The following RBM27 variants were observed in gnomAD, a reference collection of about 807,000 sequenced individuals.
The protein encoded by RBM27 is RNA-binding protein 27.
In RBM27, 22 loss-of-function variants were observed where a neutral mutation model predicts 135.3. The observed-to-expected ratio is 0.16, with a 90% CI of 0.12 to 0.23. The LOEUF is 0.23. Among genes scored for constraint, RBM27 ranks in the 10% least tolerant of loss-of-function variants. RBM27 has a pLI of 1.00. For synonymous variants in RBM27, 481 were observed against 442.4 expected (o/e 1.09, Z -1.10); for missense variants, 1,009 against 1,281.0 (o/e 0.79, Z 3.24).
At chr5:146,204,539 G>T (rs1755542214) in intron 1 of RBM27, among the ~76,000 whole-genome samples, 1 of 152,136 alleles carries the variant, frequency 6.6e-6, no homozygotes, top group Non-Finnish European at 1.5e-5. Context: ...ATACATAGAG[G>T]TTGGAAAAAA....
intron 7 of RBM27, among the ~76,000 whole-genome samples, chr5:146,236,501 A>C (rs1296013384): frequency 6.6e-6 from 1 of 152,134 alleles, no homozygotes; most frequent in Non-Finnish European, 1.5e-5. Flanking sequence ...TAGAACAAGT[A>C]ATGTTCTTTT....
At chr5:146,210,912 A>C (rs1033434110) in intron 1 of RBM27, among the ~76,000 whole-genome samples, 1 of 150,960 alleles carries the variant, frequency 6.6e-6, no homozygotes, top group Non-Finnish European at 1.5e-5. Flanking sequence ...GCGCCACCGC[A>C]CTCCAGCCTG....
intron 14 of RBM27, among the ~76,000 whole-genome samples, chr5:146,265,045 C>G (rs1758556942): frequency 6.6e-6 from 1 of 152,090 alleles, no homozygotes; most frequent in South Asian, 2.1e-4. Context: ...AGTACAGTAT[C>G]TGCAAAAATT....
chr5:146,210,406 C>G (rs958683567), intron 1 of RBM27, among the ~76,000 whole-genome samples: 1 of 151,968 alleles, frequency 6.6e-6, no homozygotes, highest in Non-Finnish European at 1.5e-5. Context: ...TTATTTCTTC[C>G]ACATGATACT....
intron 15 of RBM27, 143 bp downstream of exon 15, chr5:146,267,911 G>T: frequency 1.1e-6 from 1 of 892,156 alleles, no homozygotes; most frequent in Non-Finnish European, 1.6e-6. Flanking sequence ...ATGTAAACTT[G>T]GAAAAAAAAG....
Position 146,230,721 on chromosome 5 carries a change from G to T in RBM27, c.654G>T (p.Val218=), listed in dbSNP as rs1328351179. 1 of 1,613,888 alleles carries T rather than the reference G, an allele frequency of 6.2e-7. No individual in the cohort carries two copies. Among genetic ancestry groups the T allele is most frequent in the East Asian group, 2.2e-5 (1 of 44,878 alleles). ...RNDLESSYVP[V]SAPPPNSSEQ... ...ACCTGGAGAGTTCCTATGTGCCTGTGTCTGCACCACCTCCAAACTCTTCTG... is the reference window on the plus strand; with the variant it reads ...ACCTGGAGAGTTCCTATGTGCCTGTTTCTGCACCACCTCCAAACTCTTCTG... The change falls in exon 6 of 21, where the codon GTG becomes GTT. Residue 218 remains valine (V), a synonymous_variant. Transcript: ENST00000265271.
chr5:146,283,504 T>G (rs1759452214), intron 19 of RBM27, among the ~76,000 whole-genome samples: 1 of 151,866 alleles, frequency 6.6e-6, no homozygotes, highest in South Asian at 2.1e-4. Context: ...CCACTGCACA[T>G]TCCAGCCTGG....
intron 19 of RBM27, among the ~76,000 whole-genome samples, chr5:146,274,366 C>T (rs184089378): frequency 3.3e-5 from 5 of 152,248 alleles, no homozygotes; most frequent in Non-Finnish European, 7.3e-5. Context: ...AAGCGATTCT[C>T]GTGCCTCAGC....
rs1177120101 is a variant in RBM27, at chr5:146,229,776, G to A, written c.455G>A (p.Arg152Gln). Reference sequence around the variant, plus strand: ...AGAGACTATGACCGGTACTATGAGCGGAATGAATTGTACCGTGAGAAGTAT... The same window carrying A: ...AGAGACTATGACCGGTACTATGAGCAGAATGAATTGTACCGTGAGAAGTAT... ...KWRDYDRYYE[R>Q]NELYREKYDW... The change falls in exon 5 of 21, where the codon CGG (arginine) becomes CAG (glutamine). Residue 152 changes from arginine (R) to glutamine (Q), a missense_variant. Around this residue, in one of 6 missense-constraint regions of RBM27, gnomAD observed 268 missense variants for 326.6 expected, o/e 0.82. Coordinates refer to ENST00000265271, the MANE Select transcript of RBM27 (RefSeq NM_018989.2). The A allele has an allele frequency of 3.7e-6, 6 of 1,612,688 alleles. No individual in the cohort carries two copies. The highest frequency in any genetic ancestry group is 2.7e-5 in the African/African-American group (2 of 74,840).
At chr5:146,235,390 T>A (rs1282908594) in intron 7 of RBM27, among the ~76,000 whole-genome samples, 1 of 151,902 alleles carries the variant, frequency 6.6e-6, no homozygotes, top group Non-Finnish European at 1.5e-5. Flanking sequence ...ACCCTGCCTT[T>A]ACAAAAAATA....
intron 2 of RBM27, 23 bp downstream of exon 2, chr5:146,219,126 C>T (rs776548411): frequency 8.9e-6 from 13 of 1,466,942 alleles, no homozygotes; most frequent in East Asian, 6.8e-5. Flanking sequence ...GGCCTTCAAT[C>T]GAGTATTGAA....
At chr5:146,258,411 C>A in intron 10 of RBM27, 38 bp from the exon 11 acceptor site, 1 of 1,496,338 alleles carries the variant, frequency 6.7e-7, no homozygotes, top group South Asian at 1.4e-5. Flanking sequence ...ATTGAGACTC[C>A]TGAAAAACTC....
chr5:146,253,396 A>G (rs1478705834), intron 9 of RBM27, among the ~76,000 whole-genome samples: 1 of 152,188 alleles, frequency 6.6e-6, no homozygotes, highest in East Asian at 1.9e-4. Flanking sequence ...CATTGTGATA[A>G]TAATTTATTA....
At chr5:146,266,175 A>G (rs1758608587) in intron 14 of RBM27, among the ~76,000 whole-genome samples, 2 of 151,978 alleles carry the variant, frequency 1.3e-5, no homozygotes, top group African/African-American at 4.8e-5. Context: ...CAAAGAGAAA[A>G]ACAAATCTGA....
chr5:146,211,935 A>G lies in RBM27; in HGVS notation c.60-7050A>G, dbSNP rs115496985. 3.1e-3 allele frequency among the ~76,000 whole-genome samples: 472 copies of G among 152,238 alleles called. 4 individuals are homozygous for G. Among genetic ancestry groups the G allele is most frequent in the African/African-American group, 0.011 (456 of 41,542 alleles). On this transcript the variant is annotated intron_variant, in intron 1 of 20. Transcript: ENST00000265271. ...TATTTTGTTTTTCTTATGTGTATGA[A>G]TTTTTATATAGCTACAGTCAGACTC... is the stretch of plus-strand genomic sequence containing the variant.
chr5:146,270,870 T>G (rs1024584814), intron 17 of RBM27, 84 bp from the exon 18 acceptor site: 10 of 794,824 alleles, frequency 1.3e-5, no homozygotes, highest in Non-Finnish European at 2.0e-5. Flanking sequence ...AAAATACATG[T>G]GTGTCATTGT....
chr5:146,257,850 C>T (rs1214040682), intron 10 of RBM27, among the ~76,000 whole-genome samples: 4 of 150,380 alleles, frequency 2.7e-5, no homozygotes, highest in Admixed American at 6.6e-5. Context: ...GAATTTCACT[C>T]TTGTTGCCCA....
chr5:146,219,595 C>T (rs1232543204), intron 2 of RBM27, among the ~76,000 whole-genome samples: 1 of 152,158 alleles, frequency 6.6e-6, no homozygotes, highest in Non-Finnish European at 1.5e-5. Flanking sequence ...CCCCTGTTGC[C>T]TCTCTGACCT....
chr5:146,271,229 C>T (rs916408515), intron 18 of RBM27, among the ~76,000 whole-genome samples, 171 bp downstream of exon 18: 3 of 152,006 alleles, frequency 2.0e-5, no homozygotes, highest in African/African-American at 7.2e-5. Context: ...GGAGAAACCC[C>T]GTCTCTACTA....
Sources: allele counts gnomAD v4.1 joint callset (sites outside exome capture counted in the v4.1 genomes callset), GRCh38; gene constraint gnomAD v4.1.1; regional missense constraint gnomAD v4.1.1; transcripts MANE v1.5; gene names NCBI Gene and HGNC (gene_info 2026-07-23, HGNC 2026-07-21).